TTC28: variants seen among roughly 807,000 people sequenced by gnomAD.
TTC28 encodes tetratricopeptide repeat protein 28.
TTC28 carries 61 observed loss-of-function variants against 198.0 expected under a neutral mutation model. The observed-to-expected ratio is 0.31, with a 90% CI of 0.25 to 0.38. The LOEUF (loss-of-function observed/expected upper bound fraction) is 0.38. Among genes scored for constraint, TTC28 ranks in the 10% least tolerant of loss-of-function variants. The pLI, the probability that TTC28 is intolerant of heterozygous loss-of-function variation, is 1.00. For missense variants in TTC28, 2,678 were observed against 3,164.0 expected, an observed-to-expected ratio of 0.85 and a Z score of 3.69; for synonymous variants, 1,171 against 1,297.8, an observed-to-expected ratio of 0.90 and a Z score of 2.10.
At chr22:28,164,687 T>C (rs1465972798) in intron 5 of TTC28, among the ~76,000 whole-genome samples, 6 of 151,870 alleles carry the variant, frequency 4.0e-5, no homozygotes, top group East Asian at 1.9e-4. Flanking sequence ...ACCACAAAGA[T>C]GGGGAAAATA....
intron 12 of TTC28, among the ~76,000 whole-genome samples, chr22:28,086,024 T>A (rs1342304193): frequency 6.6e-6 from 1 of 152,060 alleles, no homozygotes; most frequent in South Asian, 2.1e-4. Flanking sequence ...AAGTCCTCAG[T>A]GACCTACAAA....
At position 28,517,949 on chromosome 22, in the gene TTC28, A is replaced by AT. The variant is rs570800959; in HGVS notation, c.381+111602dup. On this transcript the variant is annotated intron_variant, in intron 2 of 22. Coordinates refer to ENST00000397906, the MANE Select transcript of TTC28 (RefSeq NM_001145418.2). ...TTAAAATTTTTATTTTATTTATTGT[A>AT]TTTTTTTTTACACTCAAGGTCCCAC... 4.9e-3 allele frequency among the ~76,000 whole-genome samples: 740 copies of AT among 150,816 alleles called. 4 individuals are homozygous for AT. The highest frequency in any genetic ancestry group is 0.016 in the African/African-American group (659 of 41,160).
chr22:27,991,032 A>G (rs1208625510), intron 19 of TTC28, among the ~76,000 whole-genome samples: 2 of 152,248 alleles, frequency 1.3e-5, no homozygotes, highest in East Asian at 3.9e-4. Context: ...CCAGGGGCTC[A>G]GGGGCAGCAT....
chr22:28,676,726 A>T (rs1294804322), intron 1 of TTC28, among the ~76,000 whole-genome samples: 1 of 151,190 alleles, frequency 6.6e-6, no homozygotes, highest in Non-Finnish European at 1.5e-5. Flanking sequence ...TTAGAAATAA[A>T]AAAAAAAAAA....
At chr22:28,284,249 G>A (rs1376389397) in intron 5 of TTC28, among the ~76,000 whole-genome samples, 1 of 152,124 alleles carries the variant, frequency 6.6e-6, no homozygotes, top group African/African-American at 2.4e-5. Context: ...TAAATAAACT[G>A]TGCCCCTTTC....
intron 2 of TTC28, among the ~76,000 whole-genome samples, chr22:28,521,581 G>A (rs911886095): frequency 7.2e-5 from 11 of 152,158 alleles, no homozygotes; most frequent in African/African-American, 2.7e-4. Context: ...AAGAGGCTGA[G>A]AATCCATCTA....
chr22:28,230,333 G>A (rs546433563), intron 5 of TTC28, among the ~76,000 whole-genome samples: 8 of 152,356 alleles, frequency 5.3e-5, no homozygotes, highest in Admixed American at 2.6e-4. Flanking sequence ...GTATTCCACA[G>A]AGAGATCTGT....
At chr22:28,214,148 T>C (rs1360568801) in intron 5 of TTC28, among the ~76,000 whole-genome samples, 1 of 152,178 alleles carries the variant, frequency 6.6e-6, no homozygotes, top group Non-Finnish European at 1.5e-5. Context: ...GATAAAAGAC[T>C]TAAATGTTAG....
chr22:28,134,631 G>A (rs529397604), intron 6 of TTC28, among the ~76,000 whole-genome samples: 9 of 152,284 alleles, frequency 5.9e-5, no homozygotes, highest in Non-Finnish European at 1.0e-4. Context: ...AATGAAGCGA[G>A]AAGAGAAGTT....
chr22:28,551,266 C>T (rs532879183), intron 2 of TTC28, among the ~76,000 whole-genome samples: 1 of 152,132 alleles, frequency 6.6e-6, no homozygotes, highest in South Asian at 2.1e-4. Context: ...AAGTCCAGCA[C>T]CAGGCAGATT....
intron 1 of TTC28, among the ~76,000 whole-genome samples, chr22:28,643,748 A>C (rs553933716): frequency 1.3e-5 from 2 of 152,344 alleles, no homozygotes; most frequent in South Asian, 4.1e-4. Context: ...TAATATGTTA[A>C]CGTATATTGT....
chr22:28,140,049 G>C (rs1456660609), intron 6 of TTC28, among the ~76,000 whole-genome samples: 1 of 152,112 alleles, frequency 6.6e-6, no homozygotes, highest in Non-Finnish European at 1.5e-5. Context: ...CTCAGGTCTG[G>C]GTGTAGTCCT....
chr22:28,519,192 A>G (rs1271902955), intron 2 of TTC28, among the ~76,000 whole-genome samples: 1 of 152,236 alleles, frequency 6.6e-6, no homozygotes, highest in African/African-American at 2.4e-5. Flanking sequence ...TTTAACAATC[A>G]GATCCAGGAA....
intron 13 of TTC28, 53 bp from the exon 14 acceptor site, chr22:28,014,445 C>A (rs1938283489): frequency 6.7e-7 from 1 of 1,497,980 alleles, no homozygotes; most frequent in Non-Finnish European, 8.9e-7. Flanking sequence ...CAGGCAAAGA[C>A]TCACCCTGGC....
chr22:28,648,998 T>A (rs2051525219), intron 1 of TTC28, among the ~76,000 whole-genome samples: 2 of 152,094 alleles, frequency 1.3e-5, no homozygotes, highest in South Asian at 4.1e-4. Context: ...GTATACACCA[T>A]GGAATACTAC....
At chr22:28,319,019 G>A (rs981255093) in intron 2 of TTC28, among the ~76,000 whole-genome samples, 1 of 151,648 alleles carries the variant, frequency 6.6e-6, no homozygotes, top group Non-Finnish European at 1.5e-5. Context: ...GTAGAGAAAG[G>A]ATCTTGCCAT....
intron 6 of TTC28, among the ~76,000 whole-genome samples, chr22:28,131,767 T>A (rs1436000508): frequency 6.6e-6 from 1 of 152,190 alleles, no homozygotes; most frequent in Non-Finnish European, 1.5e-5. Context: ...AAAGGGTTGT[T>A]TTATGGATTA....
At chr22:28,026,143 G>A (rs558396234) in intron 13 of TTC28, among the ~76,000 whole-genome samples, 16 of 152,316 alleles carry the variant, frequency 1.1e-4, no homozygotes, top group Non-Finnish European at 2.4e-4. Flanking sequence ...GAGCACTACT[G>A]CCTCTCCACT....
intron 5 of TTC28, among the ~76,000 whole-genome samples, chr22:28,291,645 A>G (rs2044789836): frequency 6.6e-6 from 1 of 152,234 alleles, no homozygotes; most frequent in South Asian, 2.1e-4. Context: ...AGCAATCAGT[A>G]ATAAGTATAA....
Sources: allele counts gnomAD v4.1 joint callset (sites outside exome capture counted in the v4.1 genomes callset), GRCh38; gene constraint gnomAD v4.1.1; transcripts MANE v1.5; gene names NCBI Gene and HGNC (gene_info 2026-07-23, HGNC 2026-07-21).